Variants in FHIP1B observed in about 807,000 individuals in gnomAD.
FHIP1B encodes the protein FHF complex subunit HOOK interacting protein 1B, also known as FHF complex subunit HOOK-interacting protein 1B.
A neutral mutation model predicts 82.2 loss-of-function variants in FHIP1B; 28 were observed. The observed-to-expected ratio is 0.34, with a 90% CI of 0.25 to 0.47. FHIP1B has a LOEUF of 0.47. FHIP1B is among the 20% of genes least tolerant of loss of function. The pLI is 1.00. For synonymous variants in FHIP1B, 585 were observed against 516.1 expected (o/e 1.13, Z -1.81); for missense variants, 1,110 against 1,262.6 (o/e 0.88, Z 1.83).
At chr11:6,227,230 A>C in intron 1 of FHIP1B, among the ~76,000 whole-genome samples, 1 of 152,248 alleles carries the variant, frequency 6.6e-6, no homozygotes, top group East Asian at 1.9e-4. Flanking sequence ...TACACGAAGT[A>C]GCTAACTTAA....
At chr11:6,215,461 CA>C (rs1292437844) in intron 9 of FHIP1B, 1 of 152,002 alleles carries the variant, frequency 6.6e-6, no homozygotes, top group Non-Finnish European at 1.5e-5. Flanking sequence ...TTAGGTTCCA[CA>C]AAAAACGGAG....
Position 6,234,180 on chromosome 11 carries a change from A to C in FHIP1B, c.-192+364T>G, listed in dbSNP as rs764322376. 4.1e-4 allele frequency among the ~76,000 whole-genome samples: 62 copies of C among 151,468 alleles called. 1 individual carries two copies. The highest frequency in any genetic ancestry group is 4.4e-4 in the Non-Finnish European group (30 of 67,848). On this transcript the variant is annotated intron_variant, in intron 1 of 11. Transcript: ENST00000449352. ...ATGCCTCGCCTTCAACTCCCTCACCAATTTGCCGCCACCCCGCAGGCTCCC... is the reference window on the plus strand; with the variant it reads ...ATGCCTCGCCTTCAACTCCCTCACCCATTTGCCGCCACCCCGCAGGCTCCC...
chr11:6,218,799 T>G, intron 7 of FHIP1B, 36 bp from the exon 8 acceptor site: 1 of 1,610,378 alleles, frequency 6.2e-7, no homozygotes, highest in Non-Finnish European at 8.5e-7. Flanking sequence ...ACAGGGTAGA[T>G]CAGGAAGGAA....
intron 1 of FHIP1B, among the ~76,000 whole-genome samples, chr11:6,227,513 G>A (rs537527399): frequency 5.7e-4 from 87 of 152,232 alleles, no homozygotes; most frequent in African/African-American, 2.0e-3. Flanking sequence ...CATAAGAAGG[G>A]GAATTGTGTT....
intron 11 of FHIP1B, among the ~76,000 whole-genome samples, chr11:6,213,811 C>G (rs1847142124): frequency 6.6e-6 from 1 of 152,000 alleles, no homozygotes; most frequent in South Asian, 2.1e-4. Flanking sequence ...CAGAAGCCTC[C>G]TGATGCTTCC....
intron 1 of FHIP1B, 113 bp downstream of exon 1, chr11:6,234,431 C>T: frequency 6.5e-6 from 1 of 153,220 alleles, no homozygotes. Context: ...CACACCCGGA[C>T]CCTCACCACC....
In FHIP1B at chr11:6,223,303, G is replaced by C; in HGVS notation, c.778-65C>G. 1.3e-6 allele frequency: 2 copies of C among 1,500,484 alleles called. No homozygotes were observed. The highest frequency in any genetic ancestry group is 1.8e-6 in the Non-Finnish European group (2 of 1,113,496). 92.9% of individuals were successfully genotyped at this position (1,500,484 alleles called of 1,614,324 possible). On this transcript the variant is annotated intron_variant, in intron 3 of 11. Transcript: ENST00000449352. The surrounding 1 kb of genome is among the most constrained non-coding windows in gnomAD (Gnocchi z 4.8). ...TATAAAATATAAAAACTGGAACAGG[G>C]GAGCTAGTAATCCAGAGTTTTGATG...
Position 6,214,914 on chromosome 11 carries a change from G to T in FHIP1B, c.2216-3C>A. 1 of 1,551,982 alleles carries T rather than the reference G, an allele frequency of 6.4e-7. No individual in the cohort carries two copies. The highest frequency in any genetic ancestry group is 1.2e-5 in the South Asian group (1 of 82,710). On this transcript the variant is annotated splice_region_variant and splice_polypyrimidine_tract_variant and intron_variant, in intron 9 of 11. Transcript: ENST00000449352. ...AAAGAGCACAGCCATGAAGGGGCCT[G>T]GGTTGGGGGGGAGGTGGGCACAAGG...
At chr11:6,218,914 G>A in intron 7 of FHIP1B, 57 bp downstream of exon 7, 1 of 1,589,932 alleles carries the variant, frequency 6.3e-7, no homozygotes, top group Non-Finnish European at 8.6e-7. Context: ...CCCCAGCAAT[G>A]CATAAGACTC....
intron 9 of FHIP1B, chr11:6,215,419 T>C (rs541071701): frequency 6.6e-6 from 1 of 152,340 alleles, no homozygotes; most frequent in East Asian, 1.9e-4. Flanking sequence ...GAAGAACAAA[T>C]AGGTTGAGAA....
chr11:6,213,451 T>G (rs915272061), intron 11 of FHIP1B, among the ~76,000 whole-genome samples: 4 of 152,216 alleles, frequency 2.6e-5, no homozygotes, highest in Non-Finnish European at 5.9e-5. Context: ...CTTTTTCTAT[T>G]GCTCTCAATC....
In FHIP1B at chr11:6,212,441, G is replaced by T. The variant is rs899743464; in HGVS notation, c.2558-574C>A. On this transcript the variant is annotated intron_variant, in intron 11 of 11. Transcript: ENST00000449352. Reference sequence around the variant, plus strand: ...GCTATATATGCAATTATAGTTCAGTGACAATTTCACTTCTGTCATGCTCTA... The same window carrying T: ...GCTATATATGCAATTATAGTTCAGTTACAATTTCACTTCTGTCATGCTCTA... Among the ~76,000 whole-genome samples, 6 of 152,104 alleles carry T rather than the reference G, an allele frequency of 3.9e-5. No individual in the cohort carries two copies. The South Asian group carries it at 1.2e-3, about 32-fold the overall frequency.
At chr11:6,226,622 G>A (rs777681902) in intron 1 of FHIP1B, among the ~76,000 whole-genome samples, 4 of 152,172 alleles carry the variant, frequency 2.6e-5, no homozygotes, top group Admixed American at 1.3e-4. Flanking sequence ...CTATGGTACC[G>A]TGAAAGAACA....
Position 6,214,034 on chromosome 11 carries a change from G to GAAAAAAA in FHIP1B, c.2557+370_2557+376dup, listed in dbSNP as rs59502569. Among the ~76,000 whole-genome samples, 51 of 36,632 alleles carry GAAAAAAA rather than the reference G, an allele frequency of 1.4e-3. 1 individual carries two copies. Among genetic ancestry groups the GAAAAAAA allele is most frequent in the Non-Finnish European group, 1.9e-3 (39 of 20,072 alleles). The allele number at this position is 36,632 out of a possible 152,430, so 24.0% of individuals were successfully genotyped here. On this transcript the variant is annotated intron_variant, in intron 11 of 11. Transcript: ENST00000449352. ...AACTAAACAGTCCAGGACCTCTCCT[G>GAAAAAAA]AAAAAAAAAAAAAAAAAAAAAAAAA... is the stretch of plus-strand genomic sequence containing the variant.
chr11:6,219,985 A>C (rs1242331333), intron 6 of FHIP1B, among the ~76,000 whole-genome samples: 1 of 152,222 alleles, frequency 6.6e-6, no homozygotes, highest in African/African-American at 2.4e-5. Context: ...CACTTTAGCT[A>C]GCAATGAAAA....
intron 9 of FHIP1B, among the ~76,000 whole-genome samples, chr11:6,215,653 T>C (rs1388035886): frequency 1.3e-5 from 2 of 152,134 alleles, no homozygotes; most frequent in Admixed American, 1.3e-4. Flanking sequence ...AAAGGATAGC[T>C]TAGTGCAGGG....
At chr11:6,231,090 A>G (rs1372475688) in intron 1 of FHIP1B, among the ~76,000 whole-genome samples, 1 of 152,240 alleles carries the variant, frequency 6.6e-6, no homozygotes, top group Non-Finnish European at 1.5e-5. Context: ...GCAAGTTTTA[A>G]GACAAAAAAT....
chr11:6,222,431 A>G lies in FHIP1B; in HGVS notation c.1191+11T>C, dbSNP rs1451481292. ...CATCCAGGTAAGCTAGGACAGGGGT[A>G]AGGGCCATACCCGGGAGTTACTGCC... is the stretch of plus-strand genomic sequence containing the variant. On this transcript the variant is annotated intron_variant, in intron 6 of 11. Transcript: ENST00000449352. 1 of 1,613,482 alleles carries G rather than the reference A, an allele frequency of 6.2e-7. No individual in the cohort carries two copies. Among genetic ancestry groups the G allele is most frequent in the Non-Finnish European group, 8.5e-7 (1 of 1,179,948 alleles).
intron 6 of FHIP1B, among the ~76,000 whole-genome samples, chr11:6,220,984 T>C (rs1015484872): frequency 6.6e-6 from 1 of 152,226 alleles, no homozygotes; most frequent in African/African-American, 2.4e-5. Flanking sequence ...CCAAGGCATC[T>C]ATCATGATTA....
Sources: allele counts gnomAD v4.1 joint callset (sites outside exome capture counted in the v4.1 genomes callset), GRCh38; gene constraint gnomAD v4.1.1; non-coding constraint Gnocchi (gnomAD v3.1); transcripts MANE v1.5; gene names NCBI Gene and HGNC (gene_info 2026-07-23, HGNC 2026-07-21).